Variants in CPB1 observed in about 807,000 individuals in gnomAD.
CPB1 encodes the protein carboxypeptidase B1, also known as carboxypeptidase B.
A neutral mutation model predicts 51.4 loss-of-function variants in CPB1; 53 were observed. The ratio of observed to expected loss-of-function variants is 1.03; its 90% confidence interval spans 0.83 to 1.30. The LOEUF (loss-of-function observed/expected upper bound fraction) is 1.30. CPB1 is among the 50% of genes most tolerant of loss of function. The probability of loss-of-function intolerance (pLI) is 0.00; values close to 1 mark genes in which losing one functional copy is unlikely to be tolerated. For synonymous variants in CPB1, 189 were observed against 186.9 expected, an observed-to-expected ratio of 1.01 and a Z score of -0.09; for missense variants, 494 against 516.2, an observed-to-expected ratio of 0.96 and a Z score of 0.42.
chr3:148,836,547 T>C (rs3772604), intron 3 of CPB1, among the ~76,000 whole-genome samples: 31,374 of 152,106 alleles, frequency 0.21, 3,358 homozygotes, highest in Middle Eastern at 0.31. Context: ...AGAATTTCAA[T>C]CTCTATTTAT....
In CPB1 at chr3:148,847,634, C is replaced by A. The variant is rs558519786; in HGVS notation, c.981+2008C>A. 3.3e-5 allele frequency among the ~76,000 whole-genome samples: 5 copies of A among 152,156 alleles called. No individual in the cohort carries two copies. The South Asian group carries it at 1.0e-3, about 32-fold the overall frequency. ...TAGTAAAAGAGATACTATTCAAAAT[C>A]CTGTCCTCCAAAATTGTTAAATTCT... On this transcript the variant is annotated intron_variant, in intron 9 of 10. Coordinates refer to ENST00000282957, the MANE Select transcript of CPB1 (RefSeq NM_001871.3).
chr3:148,841,883 G>A lies in CPB1; in HGVS notation c.535G>A (p.Glu179Lys). 1 of 1,614,046 alleles carries A rather than the reference G, an allele frequency of 6.2e-7. No homozygotes were observed. The highest frequency in any genetic ancestry group is 2.2e-5 in the East Asian group (1 of 44,876). ...CATGGACTGTGGTTTCCATGCCAGA[G>A]AGTGGATTTCTCCTGCATTCTGCCA... ...IFMDCGFHAR[E>K]WISPAFCQWF... is the part of the protein sequence containing the mutation. Residue 179 changes from glutamate (E) to lysine (K), a missense_variant, in exon 6 of 11, where the codon GAG becomes AAG. Transcript: ENST00000282957.
At position 148,828,069 on chromosome 3, in the gene CPB1, A is replaced by G; in HGVS notation, c.139A>G (p.Thr47Ala). Residue 47 changes from threonine to alanine, a missense_variant, in exon 2 of 11, where the codon ACG becomes GCG. Coordinates refer to ENST00000282957, the MANE Select transcript of CPB1 (RefSeq NM_001871.3). ...TAACATAATCCGCGAGTTGGCCAGC[A>G]CGACCCAGGTAAGTAACAATTTTGA... ...HINIIRELAS[T>A]TQIDFWKPDS... 1 of 1,613,764 alleles carries G rather than the reference A, an allele frequency of 6.2e-7. No individual in the cohort carries two copies.
At position 148,828,055 on chromosome 3, in the gene CPB1, G is replaced by T. The variant is rs193238667; in HGVS notation, c.125G>T (p.Arg42Leu). 6.8e-6 allele frequency: 11 copies of T among 1,613,628 alleles called. No homozygotes were observed. Among genetic ancestry groups the T allele is most frequent in the Middle Eastern group, 3.3e-4 (2 of 6,082 alleles). The change falls in exon 2 of 11, where the codon CGC becomes CTC. Residue 42 changes from arginine (R) to leucine (L), a missense_variant. Coordinates refer to ENST00000282957, the MANE Select transcript of CPB1 (RefSeq NM_001871.3). ...VEDENHINII[R>L]ELASTTQIDF... is the part of the protein sequence containing the mutation. ...GATGAAAATCACATTAACATAATCC[G>T]CGAGTTGGCCAGCACGACCCAGGTA...
intron 9 of CPB1, chr3:148,854,217 C>T (rs1466548916): frequency 6.6e-6 from 1 of 152,122 alleles, no homozygotes; most frequent in East Asian, 1.9e-4. Flanking sequence ...GAGCTTGCTG[C>T]CCCAGGTGGA....
rs539276743 is a variant in CPB1, at chr3:148,828,093, G to T, written c.147+16G>T. Reference sequence around the variant, plus strand: ...CACGACCCAGGTAAGTAACAATTTTGATTTACTTCACATCTAATTTAAAAT... The same window carrying T: ...CACGACCCAGGTAAGTAACAATTTTTATTTACTTCACATCTAATTTAAAAT... On this transcript the variant is annotated intron_variant, in intron 2 of 10. Coordinates refer to ENST00000282957, the MANE Select transcript of CPB1 (RefSeq NM_001871.3). 5.6e-6 allele frequency: 9 copies of T among 1,596,208 alleles called. No homozygotes were observed. The Admixed American group carries it at 8.5e-5, about 15-fold the overall frequency.
At chr3:148,850,308 CTGTT>C (rs570470140) in intron 9 of CPB1, among the ~76,000 whole-genome samples, 7 of 151,500 alleles carry the variant, frequency 4.6e-5, no homozygotes, top group Admixed American at 6.6e-5. Context: ...GTTTGTTTGT[CTGTT>C]TGTTTTTGAG....
intron 10 of CPB1, among the ~76,000 whole-genome samples, chr3:148,859,484 C>T (rs887912682): frequency 2.0e-5 from 3 of 152,160 alleles, no homozygotes; most frequent in Admixed American, 2.0e-4. Flanking sequence ...TACGGCTTTC[C>T]TTATTTTCCT....
At chr3:148,845,667 A>AT (rs1413995172) in intron 9 of CPB1, 41 bp downstream of exon 9, 2 of 1,471,248 alleles carry the variant, frequency 1.4e-6, no homozygotes, top group Non-Finnish European at 1.9e-6. Context: ...TACTATTGAG[A>AT]TTTTTTAAAT....
At chr3:148,830,650 A>C (rs562235713) in intron 2 of CPB1, among the ~76,000 whole-genome samples, 12 of 152,242 alleles carry the variant, frequency 7.9e-5, no homozygotes, top group African/African-American at 2.9e-4. Context: ...CTTGGGCCTC[A>C]ATGTTCTCTT....
intron 9 of CPB1, among the ~76,000 whole-genome samples, chr3:148,849,584 T>C (rs1182146846): frequency 6.6e-6 from 1 of 152,102 alleles, no homozygotes; most frequent in African/African-American, 2.4e-5. Flanking sequence ...TTAATAATAA[T>C]AATAATACAA....
Position 148,845,724 on chromosome 3 carries a change from C to G in CPB1, c.981+98C>G, listed in dbSNP as rs548501357. On this transcript the variant is annotated intron_variant, in intron 9 of 10. Coordinates refer to ENST00000282957, the MANE Select transcript of CPB1 (RefSeq NM_001871.3). ...ATTATAAGAACACTTTCTGGAAGTC[C>G]CTTTATTGATTTTTTTGGTAGTAGA... 5 of 939,932 alleles carry G rather than the reference C, an allele frequency of 5.3e-6. No homozygotes were observed. The South Asian group carries it at 9.5e-5, about 18-fold the overall frequency. The allele number at this position is 939,932 out of a possible 1,614,324, so 58.2% of individuals were successfully genotyped here. A position where few individuals can be genotyped will look rare whatever the true frequency, so the allele number is the denominator to read the frequency against.
intron 3 of CPB1, among the ~76,000 whole-genome samples, chr3:148,837,356 C>T (rs1357039633): frequency 6.6e-6 from 1 of 151,786 alleles, no homozygotes; most frequent in Non-Finnish European, 1.5e-5. Flanking sequence ...AGGTACTGAT[C>T]AAATATTCTA....
rs769799839 is a variant in CPB1 at position 148,840,682 on chromosome 3, G to A, written c.273-4G>A. Reference sequence around the variant, plus strand: ...ATAGGAACACCCACTTTGGTTCGTTGCAGGGTACTGATAAGCAACCTGAGA... The same window carrying A: ...ATAGGAACACCCACTTTGGTTCGTTACAGGGTACTGATAAGCAACCTGAGA... On this transcript the variant is annotated splice_polypyrimidine_tract_variant and splice_region_variant and intron_variant, in intron 3 of 10. Transcript: ENST00000282957. 32 of 1,613,832 alleles carry A rather than the reference G, an allele frequency of 2.0e-5. 1 individual carries two copies. Among genetic ancestry groups the A allele is most frequent in the Non-Finnish European group, 2.2e-5 (26 of 1,179,824 alleles).
chr3:148,843,792 G>T (rs542380283), intron 6 of CPB1, among the ~76,000 whole-genome samples: 1 of 152,148 alleles, frequency 6.6e-6, no homozygotes, highest in South Asian at 2.1e-4. Context: ...ATATTAAATG[G>T]GCATGATGTC....
At chr3:148,844,628 A>G in intron 7 of CPB1, 40 bp downstream of exon 7, 3 of 1,611,718 alleles carry the variant, frequency 1.9e-6, no homozygotes, top group Non-Finnish European at 2.5e-6. Flanking sequence ...TGAAATTAAA[A>G]CCAACGCCTC....
At chr3:148,849,710 G>A (rs1444460331) in intron 9 of CPB1, among the ~76,000 whole-genome samples, 1 of 152,214 alleles carries the variant, frequency 6.6e-6, no homozygotes, top group Non-Finnish European at 1.5e-5. Flanking sequence ...CCAATCCAGG[G>A]CATGTGTCTT....
chr3:148,848,874 C>T lies in CPB1; in HGVS notation c.981+3248C>T, dbSNP rs543394711. On this transcript the variant is annotated intron_variant, in intron 9 of 10. Transcript: ENST00000282957. Reference sequence around the variant, plus strand: ...GAGCAGTAGAAAGTAGATGGAATAACAAGAATATCTTACACATATAATGCT... The same window carrying T: ...GAGCAGTAGAAAGTAGATGGAATAATAAGAATATCTTACACATATAATGCT... Among the ~76,000 whole-genome samples, 3 of 152,284 alleles carry T rather than the reference C, an allele frequency of 2.0e-5. No individual in the cohort carries two copies. In the East Asian group the frequency reaches 5.8e-4, roughly 29 times the overall value.
chr3:148,831,571 G>A (rs1481072621), intron 2 of CPB1, among the ~76,000 whole-genome samples: 1 of 152,004 alleles, frequency 6.6e-6, no homozygotes, highest in Non-Finnish European at 1.5e-5. Flanking sequence ...ACTTTATCTT[G>A]CTTTTAGGCT....
Sources: gnomAD v4.1 joint callset for allele counts (sites outside exome capture counted in the v4.1 genomes callset) on GRCh38, gnomAD v4.1.1 for gene constraint, MANE v1.5 for transcripts, NCBI Gene and HGNC (gene_info 2026-07-23, HGNC 2026-07-21) for gene names.